The following ART1 variants were observed in gnomAD, a reference collection of about 807,000 sequenced individuals.
The protein encoded by ART1 is ADP-ribosyltransferase 1.
In ART1, 29 loss-of-function variants were observed where a neutral mutation model predicts 27.0. The ratio of observed to expected loss-of-function variants is 1.08; its 90% CI spans 0.80 to 1.47. ART1 has a LOEUF of 1.47. Among genes scored for constraint, ART1 ranks in the 40% most tolerant of loss-of-function variants. ART1 has a pLI of 0.00. For synonymous variants in ART1, 201 were observed against 172.2 expected, an observed-to-expected ratio of 1.17 and a Z score of -1.31; for missense variants, 480 against 423.0, an observed-to-expected ratio of 1.13 and a Z score of -1.18.
chr11:3,646,996 A>G (rs561765599), intron 1 of ART1, among the ~76,000 whole-genome samples: 1 of 152,260 alleles, frequency 6.6e-6, no homozygotes, highest in African/African-American at 2.4e-5. Flanking sequence ...TTCTTGCTAC[A>G]TGAAAACCAA....
intron 2 of ART1, 120 bp downstream of exon 2, chr11:3,659,396 C>T (rs1327779383): frequency 6.8e-7 from 1 of 1,462,426 alleles, no homozygotes; most frequent in Non-Finnish European, 9.5e-7. Flanking sequence ...GGGGATCACT[C>T]AGCCCAAGGG....
chr11:3,663,129 CTCA>C (rs1554883272), intron 4 of ART1, among the ~76,000 whole-genome samples: 1 of 147,562 alleles, frequency 6.8e-6, no homozygotes, highest in African/African-American at 2.6e-5. Flanking sequence ...CTCATCTCAT[CTCA>C]TCTCATCTCA....
In ART1 at chr11:3,661,355, C is replaced by T. The variant is rs776616031; in HGVS notation, c.845-17C>T. The T allele has an allele frequency of 6.2e-7, 1 of 1,610,210 alleles. No homozygotes were observed. The highest frequency in any genetic ancestry group is 1.1e-5 in the South Asian group (1 of 90,396). On this transcript the variant is annotated splice_polypyrimidine_tract_variant and intron_variant, in intron 3 of 4. Coordinates refer to ENST00000250693, the MANE Select transcript of ART1 (RefSeq NM_004314.3). ...CAGCTCCTGAGCCTTTCATTCTTTACTGTTTCTTTTCTATAGACAAGAAGT... is the reference window on the plus strand; with the variant it reads ...CAGCTCCTGAGCCTTTCATTCTTTATTGTTTCTTTTCTATAGACAAGAAGT...
In ART1 at chr11:3,660,045, C is replaced by T. The variant is rs1308334286; in HGVS notation, c.526C>T (p.Gln176Ter). Residue 176 changes from glutamine (Q) to a stop codon, truncating the protein, a stop_gained, in exon 3 of 5, where the codon CAG becomes TAG. Transcript: ENST00000250693. LOFTEE classifies it high-confidence loss of function. ...CGGCCAGCGTCCACCCCGGTGCCACCAGGTGTTCCGAGGTGTGCACGGCCT... is the reference window on the plus strand; with the variant it reads ...CGGCCAGCGTCCACCCCGGTGCCACTAGGTGTTCCGAGGTGTGCACGGCCT... ...GSGQRPPRCH[Q>*]VFRGVHGLRF... The T allele has an allele frequency of 6.2e-7, 1 of 1,613,742 alleles. No homozygotes were observed. The highest frequency in any genetic ancestry group is 8.5e-7 in the Non-Finnish European group (1 of 1,179,940).
chr11:3,660,048 G>C lies in ART1; in HGVS notation c.529G>C (p.Val177Leu). 1 of 1,613,696 alleles carries C rather than the reference G, an allele frequency of 6.2e-7. No homozygotes were observed. The highest frequency in any genetic ancestry group is 8.5e-7 in the Non-Finnish European group (1 of 1,179,938). The change falls in exon 3 of 5, where the codon GTG (valine) becomes CTG (leucine). Residue 177 changes from valine to leucine, a missense_variant. Coordinates refer to ENST00000250693, the MANE Select transcript of ART1 (RefSeq NM_004314.3). Reference protein sequence around the residue: ...SGQRPPRCHQVFRGVHGLRFR... With the variant: ...SGQRPPRCHQLFRGVHGLRFR... ...CCAGCGTCCACCCCGGTGCCACCAG[G>C]TGTTCCGAGGTGTGCACGGCCTGCG...
intron 4 of ART1, 77 bp downstream of exon 4, chr11:3,661,490 C>CTTTTTTTTTT (rs530856927): frequency 1.6e-5 from 5 of 320,482 alleles, no homozygotes; most frequent in South Asian, 4.2e-5. Context: ...TCACCTCGAT[C>CTTTTTTTTTT]TTTTTTTTTT....
intron 1 of ART1, among the ~76,000 whole-genome samples, chr11:3,653,733 C>A (rs944901626): frequency 6.6e-6 from 1 of 152,100 alleles, no homozygotes; most frequent in Non-Finnish European, 1.5e-5. Flanking sequence ...TGATTTTTCC[C>A]TCTCTCACGT....
rs191880603 is a variant in ART1, at chr11:3,652,445, C to T, written c.-52-6717C>T. ...TCCTCTGTCTTCAGGAAAAGTAGAA[C>T]GGACTAAAGGTCTTTTAAAAACACA... On this transcript the variant is annotated intron_variant, in intron 1 of 4. Transcript: ENST00000250693. Among the ~76,000 whole-genome samples, 805 of 150,724 alleles carry T rather than the reference C, an allele frequency of 5.3e-3. 13 individuals carry two copies. The highest frequency in any genetic ancestry group is 0.017 in the African/African-American group (693 of 40,226).
In ART1 at chr11:3,659,645, C is replaced by T; in HGVS notation, c.126C>T (p.Ala42=). Residue 42 remains alanine, a synonymous_variant, in exon 3 of 5, where the codon GCC becomes GCT. Transcript: ENST00000250693. ...CTCAAGAGATTCAGCTGGACATGGC[C>T]CTGGCCTCCTTTGATGACCAGTACG... ...LFSQEIQLDM[A]LASFDDQYAG... 1 of 1,613,626 alleles carries T rather than the reference C, an allele frequency of 6.2e-7. No individual in the cohort carries two copies. Among genetic ancestry groups the T allele is most frequent in the South Asian group, 1.1e-5 (1 of 91,066 alleles).
chr11:3,648,482 C>T (rs1301426261), intron 1 of ART1, among the ~76,000 whole-genome samples: 2 of 152,108 alleles, frequency 1.3e-5, no homozygotes, highest in East Asian at 3.9e-4. Flanking sequence ...ACTCACTTCT[C>T]CAACCTCCCT....
At chr11:3,658,703 G>A (rs539925832) in intron 1 of ART1, among the ~76,000 whole-genome samples, 1 of 152,260 alleles carries the variant, frequency 6.6e-6, no homozygotes, top group East Asian at 1.9e-4. Flanking sequence ...TCCTGGATCT[G>A]CCCCTGTCCC....
intron 1 of ART1, among the ~76,000 whole-genome samples, chr11:3,658,257 CAG>C (rs747971645): frequency 2.7e-5 from 4 of 150,168 alleles, no homozygotes; most frequent in Admixed American, 1.3e-4. Flanking sequence ...CACTTGAACT[CAG>C]GAGGTGGAGG....
At position 3,653,451 on chromosome 11, in the gene ART1, T is replaced by A. The variant is rs189423665; in HGVS notation, c.-52-5711T>A. 2.7e-5 allele frequency among the ~76,000 whole-genome samples: 4 copies of A among 148,510 alleles called. No homozygotes were observed. The East Asian group carries it at 7.8e-4, about 29-fold the overall frequency. On this transcript the variant is annotated intron_variant, in intron 1 of 4. Coordinates refer to ENST00000250693, the MANE Select transcript of ART1 (RefSeq NM_004314.3). The stretch of plus-strand genomic sequence containing the variant: ...CGCACCTTGTGACCCCCACTCTGAC[T>A]GCCAGAGAACAACCCCCCTTTGACT...
intron 1 of ART1, among the ~76,000 whole-genome samples, chr11:3,658,428 C>T (rs925696): frequency 0.017 from 2,593 of 152,168 alleles, 71 homozygotes; most frequent in South Asian, 0.13. Flanking sequence ...GGAACCACTT[C>T]GGGCACTCCG....
At chr11:3,647,344 A>AAAAC (rs746064846) in intron 1 of ART1, among the ~76,000 whole-genome samples, 4,980 of 151,306 alleles carry the variant, frequency 0.033, 107 homozygotes, top group Non-Finnish European at 0.049. Context: ...CAAAACAAAA[A>AAAAC]AAAAAACGAG....
At chr11:3,647,913 T>TTAAA (rs1554962732) in intron 1 of ART1, among the ~76,000 whole-genome samples, 111 of 151,292 alleles carry the variant, frequency 7.3e-4, no homozygotes, top group Non-Finnish European at 1.5e-4. Context: ...TGGAAGAAGA[T>TTAAA]AGAGGGCAAT....
chr11:3,653,742 G>A (rs74049381), intron 1 of ART1, among the ~76,000 whole-genome samples: 2,853 of 151,870 alleles, frequency 0.019, 108 homozygotes, highest in African/African-American at 0.066. Flanking sequence ...CCTCTCTCAC[G>A]TCCCCTATAG....
intron 1 of ART1, among the ~76,000 whole-genome samples, chr11:3,653,267 T>G (rs754527130): frequency 5.4e-5 from 8 of 148,898 alleles, no homozygotes; most frequent in Non-Finnish European, 2.9e-5. Context: ...TCATGTCCCC[T>G]GTGACCTGCA....
chr11:3,651,107 A>T (rs2077518584), intron 1 of ART1, among the ~76,000 whole-genome samples: 1 of 151,802 alleles, frequency 6.6e-6, no homozygotes, highest in Non-Finnish European at 1.5e-5. Flanking sequence ...TGTTTTGCCT[A>T]TCCACCCTGT....
Sources: allele counts gnomAD v4.1 joint callset (sites outside exome capture counted in the v4.1 genomes callset), GRCh38; gene constraint gnomAD v4.1.1; transcripts MANE v1.5; gene names NCBI Gene and HGNC (gene_info 2026-07-23, HGNC 2026-07-21).